SORCS1: variants seen among roughly 807,000 people sequenced by gnomAD.
SORCS1 encodes the protein sortilin related VPS10 domain containing receptor 1.
A neutral mutation model predicts 146.1 loss-of-function variants in SORCS1; 60 were observed. The ratio of observed to expected loss-of-function variants is 0.41; its 90% CI spans 0.33 to 0.51. The LOEUF (loss-of-function observed/expected upper bound fraction) is 0.51, where lower values mean the gene tolerates loss of function less well. Among genes scored for constraint, SORCS1 ranks in the 20% least tolerant of loss-of-function variants. SORCS1 has a pLI of 0.21. For missense variants in SORCS1, 1,352 were observed against 1,487.6 expected, an observed-to-expected ratio of 0.91 and a Z score of 1.50; for synonymous variants, 637 against 584.0, an observed-to-expected ratio of 1.09 and a Z score of -1.31.
At chr10:106,916,903 C>A (rs953725319) in intron 2 of SORCS1, among the ~76,000 whole-genome samples, 1 of 152,028 alleles carries the variant, frequency 6.6e-6, no homozygotes, top group Non-Finnish European at 1.5e-5. Flanking sequence ...GCATGTGCCA[C>A]CATGAATTTT....
At chr10:107,038,696 C>CGGGGGGGG (rs58516423) in intron 1 of SORCS1, among the ~76,000 whole-genome samples, 2 of 149,976 alleles carry the variant, frequency 1.3e-5, no homozygotes, top group African/African-American at 2.5e-5. Context: ...GGGCAGGGGG[C>CGGGGGGGG]GGGGGGGGAG....
chr10:106,652,046 G>T (rs540726124), intron 18 of SORCS1, among the ~76,000 whole-genome samples: 4 of 152,152 alleles, frequency 2.6e-5, no homozygotes, highest in Non-Finnish European at 5.9e-5. Context: ...GTATATGTAC[G>T]TATTAAATTA....
rs556465937 is a variant in SORCS1, at chr10:106,611,004, C to T, written c.3033+907G>A. ...CTAAGGTGGGAGAATCGCTTGAACC[C>T]GGAAGGCAGAGGTAGCAGTGAGATG... On this transcript the variant is annotated intron_variant, in intron 22 of 25. Transcript: ENST00000263054. Among the ~76,000 whole-genome samples the T allele has an allele frequency of 6.6e-5, 10 of 152,064 alleles. No homozygotes were observed. The East Asian group carries it at 7.7e-4, about 12-fold the overall frequency.
chr10:106,769,004 C>A (rs552068968), intron 4 of SORCS1, among the ~76,000 whole-genome samples: 47 of 152,294 alleles, frequency 3.1e-4, no homozygotes, highest in Non-Finnish European at 5.6e-4. Flanking sequence ...CGTGACAGAG[C>A]AGAGAGCTGA....
chr10:106,668,184 T>A (rs1156749619), intron 16 of SORCS1, among the ~76,000 whole-genome samples: 1 of 152,148 alleles, frequency 6.6e-6, no homozygotes, highest in African/African-American at 2.4e-5. Flanking sequence ...TCGCAGAGTT[T>A]AACACGGCCA....
At chr10:106,747,897 G>A (rs1204378135) in intron 5 of SORCS1, among the ~76,000 whole-genome samples, 1 of 152,074 alleles carries the variant, frequency 6.6e-6, no homozygotes, top group Non-Finnish European at 1.5e-5. Context: ...CCATAAATAT[G>A]TACTATTACG....
chr10:107,177,822 T>A, the SORCS1 span, among the ~76,000 whole-genome samples: 1 of 152,178 alleles, frequency 6.6e-6, no homozygotes, highest in African/African-American at 2.4e-5. Context: ...TATGCAGTCA[T>A]AAAAAGAAAG....
chr10:106,579,643 C>A (rs1844785973), intron 24 of SORCS1, among the ~76,000 whole-genome samples, 169 bp from the exon 25 acceptor site: 1 of 151,748 alleles, frequency 6.6e-6, no homozygotes, highest in Non-Finnish European at 1.5e-5. Flanking sequence ...TCTGAGCCCA[C>A]CCCTACTCCC....
At position 106,574,652 on chromosome 10, in the gene SORCS1, A is replaced by T. The variant is rs1464130336; in HGVS notation, c.*2768T>A. ...GTTTCTAATTCAGTAGGTATGGGGT[A>T]TGGATCCAGAATCTGGATCTCTAAC... On this transcript the variant is annotated 3_prime_UTR_variant, in exon 26 of 26. Coordinates refer to ENST00000263054, the MANE Select transcript of SORCS1 (RefSeq NM_052918.5). The T allele has an allele frequency of 6.6e-6, 1 of 152,234 alleles. No individual in the cohort carries two copies. The highest frequency in any genetic ancestry group is 2.4e-5 in the African/African-American group (1 of 41,444). The allele number at this position is 152,234 out of a possible 1,614,324, so 9.4% of individuals were successfully genotyped here. A position where few individuals can be genotyped will look rare whatever the true frequency, so the allele number is the denominator to read the frequency against.
At chr10:106,838,772 T>C (rs1948897457) in intron 2 of SORCS1, among the ~76,000 whole-genome samples, 1 of 152,222 alleles carries the variant, frequency 6.6e-6, no homozygotes, top group Non-Finnish European at 1.5e-5. Context: ...AGTCTATTGG[T>C]GCCATTTTTC....
At chr10:107,154,184 A>T (rs1969081192) in intron 1 of SORCS1, among the ~76,000 whole-genome samples, 1 of 151,532 alleles carries the variant, frequency 6.6e-6, no homozygotes, top group Admixed American at 6.6e-5. Context: ...TTGTATTTTA[A>T]TAGAGATGGG....
intron 5 of SORCS1, among the ~76,000 whole-genome samples, chr10:106,760,710 A>AACACAC (rs58948425): frequency 1.7e-4 from 26 of 148,684 alleles, no homozygotes; most frequent in Middle Eastern, 3.5e-3. Context: ...CACACACACT[A>AACACAC]ACACACACAC....
intron 1 of SORCS1, among the ~76,000 whole-genome samples, chr10:107,020,779 G>GTT (rs1411484825): frequency 1.1e-4 from 17 of 152,262 alleles, no homozygotes; most frequent in African/African-American, 3.8e-4. Context: ...TTCAGAGGAT[G>GTT]TTATTTTAAG....
At chr10:106,753,288 A>G (rs923924005) in intron 5 of SORCS1, among the ~76,000 whole-genome samples, 3 of 152,132 alleles carry the variant, frequency 2.0e-5, no homozygotes, top group African/African-American at 7.2e-5. Flanking sequence ...AAGAGGAAAG[A>G]GTTACAGCCA....
rs140180471 is a variant in SORCS1 at position 106,743,354 on chromosome 10, C to G, written c.960-13240G>C. Among the ~76,000 whole-genome samples, 627 of 152,232 alleles carry G rather than the reference C, an allele frequency of 4.1e-3. 1 individual carries two copies. The highest frequency in any genetic ancestry group is 6.8e-3 in the Non-Finnish European group (462 of 68,004). On this transcript the variant is annotated intron_variant, in intron 5 of 25. Coordinates refer to ENST00000263054, the MANE Select transcript of SORCS1 (RefSeq NM_052918.5). ...ACCATGCCCTCCTGCTGCCTGGCTG[C>G]CACCAGTCCCACCACACCACCATCC...
At chr10:106,693,173 G>T (rs1265619723) in intron 9 of SORCS1, among the ~76,000 whole-genome samples, 1 of 152,062 alleles carries the variant, frequency 6.6e-6, no homozygotes, top group Non-Finnish European at 1.5e-5. Flanking sequence ...AACCCTACTG[G>T]TCCCAAGCAT....
intron 1 of SORCS1, among the ~76,000 whole-genome samples, chr10:107,043,842 C>T (rs970455897): frequency 6.6e-6 from 1 of 152,192 alleles, no homozygotes; most frequent in Non-Finnish European, 1.5e-5. Flanking sequence ...AAAGGAAGAT[C>T]TGTGTCTATG....
At chr10:106,624,159 A>G (rs1431646282) in intron 19 of SORCS1, among the ~76,000 whole-genome samples, 3 of 152,154 alleles carry the variant, frequency 2.0e-5, no homozygotes, top group Non-Finnish European at 1.5e-5. Flanking sequence ...GACCTCTCAG[A>G]AGAAATGGCA....
intron 5 of SORCS1, among the ~76,000 whole-genome samples, chr10:106,754,881 C>T (rs1202737873): frequency 1.3e-5 from 2 of 152,208 alleles, no homozygotes; most frequent in East Asian, 3.8e-4. Flanking sequence ...CACCATTCAG[C>T]TGTCCCTATT....
Sources: allele counts gnomAD v4.1 joint callset (sites outside exome capture counted in the v4.1 genomes callset), GRCh38; gene constraint gnomAD v4.1.1; transcripts MANE v1.5; gene names NCBI Gene and HGNC (gene_info 2026-07-23, HGNC 2026-07-21).